SLC14A2: variants seen among roughly 807,000 people sequenced by gnomAD.
SLC14A2 encodes the protein solute carrier family 14 member 2.
A neutral mutation model predicts 104.6 loss-of-function variants in SLC14A2; 91 were observed. That is an observed-to-expected ratio of 0.87 (90% CI 0.73 to 1.04). The LOEUF is 1.04. SLC14A2 is among the 50% of genes least tolerant of loss of function. The probability of loss-of-function intolerance (pLI) is 0.00; values close to 1 mark genes in which losing one functional copy is unlikely to be tolerated. For synonymous variants in SLC14A2, 476 were observed against 466.4 expected, an observed-to-expected ratio of 1.02 and a Z score of -0.27; for missense variants, 1,189 against 1,156.0, an observed-to-expected ratio of 1.03 and a Z score of -0.41.
chr18:45,234,412 C>A (rs1443664402), intron 1 of SLC14A2, among the ~76,000 whole-genome samples: 5 of 152,212 alleles, frequency 3.3e-5, no homozygotes, highest in Non-Finnish European at 7.3e-5. Flanking sequence ...CACAAGCATT[C>A]TATGACTAAG....
intron 1 of SLC14A2, among the ~76,000 whole-genome samples, chr18:45,240,377 G>A (rs1218426043): frequency 2.0e-5 from 3 of 152,022 alleles, no homozygotes; most frequent in South Asian, 4.1e-4. Context: ...TTACAGGCAT[G>A]AGCCACCACG....
At chr18:45,188,622 G>A in the SLC14A2 span, among the ~76,000 whole-genome samples, 1 of 152,112 alleles carries the variant, frequency 6.6e-6, no homozygotes, top group African/African-American at 2.4e-5. Context: ...CTGCCTGAAT[G>A]TCTTTTCTTT....
At chr18:45,272,994 A>G (rs954460995) in intron 1 of SLC14A2, among the ~76,000 whole-genome samples, 2 of 152,132 alleles carry the variant, frequency 1.3e-5, no homozygotes, top group Non-Finnish European at 2.9e-5. Flanking sequence ...TATATCCATC[A>G]GGAATCGTGC....
intron 1 of SLC14A2, among the ~76,000 whole-genome samples, chr18:45,231,631 G>A (rs2084175718): frequency 6.6e-6 from 1 of 152,126 alleles, no homozygotes; most frequent in Admixed American, 6.5e-5. Context: ...CTCAAATTAT[G>A]CCCAATTCAT....
At chr18:45,619,003 G>A (rs1424721494) in intron 1 of SLC14A2, among the ~76,000 whole-genome samples, 3 of 152,228 alleles carry the variant, frequency 2.0e-5, no homozygotes, top group African/African-American at 7.2e-5. Flanking sequence ...AGGAGCCACA[G>A]TTTTTCTAAC....
At chr18:45,323,168 T>G (rs765634572) in intron 1 of SLC14A2, among the ~76,000 whole-genome samples, 3 of 152,186 alleles carry the variant, frequency 2.0e-5, no homozygotes, top group Non-Finnish European at 2.9e-5. Flanking sequence ...GGTGTGTAAA[T>G]ACTATCTATG....
chr18:45,547,750 T>G (rs1184124188), intron 2 of SLC14A2, among the ~76,000 whole-genome samples: 2 of 152,308 alleles, frequency 1.3e-5, no homozygotes, highest in South Asian at 4.1e-4. Flanking sequence ...AATACTTACA[T>G]AACTGTAAGG....
intron 2 of SLC14A2, 51 bp from the exon 3 acceptor site, chr18:45,625,632 C>G (rs2045245035): frequency 6.9e-7 from 1 of 1,456,006 alleles, no homozygotes; most frequent in Non-Finnish European, 9.2e-7. Flanking sequence ...CCAAATGTCC[C>G]TGCTCTCAGA....
At chr18:45,679,848 T>C (rs1377654523) in intron 19 of SLC14A2, among the ~76,000 whole-genome samples, 1 of 152,226 alleles carries the variant, frequency 6.6e-6, no homozygotes. Flanking sequence ...TTTTCTGGGC[T>C]TCATTGTATT....
chr18:45,513,812 G>C (rs2043400080), intron 2 of SLC14A2, among the ~76,000 whole-genome samples: 1 of 152,136 alleles, frequency 6.6e-6, no homozygotes, highest in African/African-American at 2.4e-5. Flanking sequence ...TACCGACTCA[G>C]ACCCATAGTG....
intron 2 of SLC14A2, among the ~76,000 whole-genome samples, chr18:45,567,540 T>TAG (rs1488376919): frequency 6.6e-6 from 1 of 152,202 alleles, no homozygotes; most frequent in Non-Finnish European, 1.5e-5. Flanking sequence ...AGAGTGTCCT[T>TAG]TAAATTCAGA....
chr18:45,642,332 CAAGTT>C (rs2045542835), intron 8 of SLC14A2, among the ~76,000 whole-genome samples: 1 of 152,188 alleles, frequency 6.6e-6, no homozygotes, highest in Admixed American at 6.5e-5. Context: ...AAATATTTGT[CAAGTT>C]AAAAGTGCCT....
At chr18:45,613,729 G>T (rs376729025), upstream of SLC14A2, among the ~76,000 whole-genome samples, 33 of 152,210 alleles carry the variant, frequency 2.2e-4, no homozygotes, top group Admixed American at 7.9e-4. Flanking sequence ...TCTGGCAGAA[G>T]AAATTTCTAA....
At chr18:45,615,776 TGTATATAA>T (rs1258338286) in intron 1 of SLC14A2, among the ~76,000 whole-genome samples, 194 bp downstream of exon 1, 1 of 151,854 alleles carries the variant, frequency 6.6e-6, no homozygotes, top group Non-Finnish European at 1.5e-5. Context: ...GGGCAGCTTG[TGTATATAA>T]GTATGTGTGC....
chr18:45,543,625 T>C (rs1338902538), intron 2 of SLC14A2, among the ~76,000 whole-genome samples: 2 of 152,238 alleles, frequency 1.3e-5, no homozygotes, highest in Non-Finnish European at 2.9e-5. Flanking sequence ...TGGCTACACC[T>C]GTAACCCTTT....
intron 2 of SLC14A2, among the ~76,000 whole-genome samples, chr18:45,486,983 C>T (rs2087619464): frequency 6.6e-6 from 1 of 152,112 alleles, no homozygotes; most frequent in East Asian, 1.9e-4. Context: ...TAAGATGACT[C>T]CTAAGGGACT....
At chr18:45,609,639 G>A (rs2144443582) in intron 2 of SLC14A2, among the ~76,000 whole-genome samples, 1 of 152,226 alleles carries the variant, frequency 6.6e-6, no homozygotes, top group South Asian at 2.1e-4. Flanking sequence ...CATCAGGGTT[G>A]GGCAAATCAA....
intron 2 of SLC14A2, among the ~76,000 whole-genome samples, chr18:45,595,531 G>A (rs1333119291): frequency 2.6e-5 from 4 of 152,042 alleles, no homozygotes; most frequent in African/African-American, 4.8e-5. Context: ...ACTGGGGTAC[G>A]CAGGCATTAA....
chr18:45,634,340 C>A (rs1342405148), intron 5 of SLC14A2, among the ~76,000 whole-genome samples: 2 of 152,200 alleles, frequency 1.3e-5, no homozygotes, highest in Non-Finnish European at 2.9e-5. Flanking sequence ...AACTGACATT[C>A]TTCTTGGCTA....
Sources: gnomAD v4.1 joint callset for allele counts (sites outside exome capture counted in the v4.1 genomes callset) on GRCh38, gnomAD v4.1.1 for gene constraint, MANE v1.5 for transcripts, NCBI Gene and HGNC (gene_info 2026-07-23, HGNC 2026-07-21) for gene names.